ANKRD18A: variants seen among roughly 807,000 people sequenced by gnomAD.
The protein encoded by ANKRD18A is ankyrin repeat domain-containing protein 18A.
A neutral mutation model predicts 110.6 loss-of-function variants in ANKRD18A; 72 were observed. The observed-to-expected ratio is 0.65, with a 90% CI of 0.54 to 0.79. The LOEUF is 0.79. ANKRD18A is among the 30% of genes least tolerant of loss of function. The probability of loss-of-function intolerance (pLI) is 0.00; values close to 1 mark genes in which losing one functional copy is unlikely to be tolerated. For synonymous variants in ANKRD18A, 305 were observed against 410.3 expected, an observed-to-expected ratio of 0.74 and a Z score of 3.10; for missense variants, 934 against 1,163.3, an observed-to-expected ratio of 0.80 and a Z score of 2.87.
downstream of ANKRD18A, among the ~76,000 whole-genome samples, chr9:38,570,426 C>T (rs948048637): frequency 2.6e-5 from 4 of 152,122 alleles, no homozygotes; most frequent in Admixed American, 6.5e-5. Context: ...TACACCCCAC[C>T]GACCAGTTTT....
Position 38,610,274 on chromosome 9 carries a change from T to A in ANKRD18A, c.739A>T (p.Ser247Cys), listed in dbSNP as rs1825551207. 1.3e-6 allele frequency: 2 copies of A among 1,535,558 alleles called. No homozygotes were observed. Among genetic ancestry groups the A allele is most frequent in the African/African-American group, 2.8e-5 (2 of 72,146 alleles). The change falls in exon 5 of 16, where the codon AGC becomes TGC. Residue 247 changes from serine to cysteine, a missense_variant and splice_region_variant. Coordinates refer to ENST00000399703, the MANE Select transcript of ANKRD18A (RefSeq NM_147195.4). Reference protein sequence around the residue: ...EDYALCSDLRSIRQQILEHKN... With the variant: ...EDYALCSDLRCIRQQILEHKN... ...CGGTCTTTTAATATAAGCACATACCTTCTCAAATCAGAACAAAGAGCATAA... is the reference window on the plus strand; with the variant it reads ...CGGTCTTTTAATATAAGCACATACCATCTCAAATCAGAACAAAGAGCATAA...
chr9:38,577,108 C>T lies in ANKRD18A; in HGVS notation c.2686G>A (p.Glu896Lys), dbSNP rs1321855474. 6.5e-7 allele frequency: 1 copy of T among 1,549,034 alleles called. No homozygotes were observed. Among genetic ancestry groups the T allele is most frequent in the African/African-American group, 1.4e-5 (1 of 72,938 alleles). Residue 896 changes from glutamate (E) to lysine (K), a missense_variant, in exon 14 of 16, where the codon GAA becomes AAA. By Grantham distance (56) the Glu-to-Lys change is moderately conservative. Around this residue, in one of 4 missense-constraint regions of ANKRD18A, gnomAD observed 223 missense variants for 226.7 expected, o/e 0.98. Transcript: ENST00000399703. ...GCTTTCACTGCTCCTGCAAAGGCTTCCTTAAATTCTTCTAATTCAGTTGTA... is the reference window on the plus strand; with the variant it reads ...GCTTTCACTGCTCCTGCAAAGGCTTTCTTAAATTCTTCTAATTCAGTTGTA... ...EVTTELEEFK[E>K]AFAGAVKANN...
chr9:38,595,707 T>C lies in ANKRD18A; in HGVS notation c.1633A>G (p.Arg545Gly). 1.3e-6 allele frequency: 2 copies of C among 1,551,428 alleles called. No individual in the cohort carries two copies. Among genetic ancestry groups the C allele is most frequent in the Non-Finnish European group, 1.7e-6 (2 of 1,146,700 alleles). The change falls in exon 9 of 16, where the codon AGA becomes GGA. Residue 545 changes from arginine (R) to glycine (G), a missense_variant. By Grantham distance (125) the Arg-to-Gly change is moderately radical. Coordinates refer to ENST00000399703, the MANE Select transcript of ANKRD18A (RefSeq NM_147195.4). ...SIGKQNSLEE[R>G]IRQQELENLL... is the part of the protein sequence containing the mutation. ...TTTTCAAGTTCTTGTTGACGTATTC[T>C]CTCCTCTAAAGAGTTCTGCTTTCCA...
At chr9:38,589,583 T>C (rs920475907) in intron 10 of ANKRD18A, among the ~76,000 whole-genome samples, 2 of 152,214 alleles carry the variant, frequency 1.3e-5, no homozygotes, top group African/African-American at 4.8e-5. Flanking sequence ...CTGGGCCCAG[T>C]TTGTCAGATG....
At position 38,578,130 on chromosome 9, in the gene ANKRD18A, C is replaced by T. The variant is rs1384269574; in HGVS notation, c.2266G>A (p.Glu756Lys). 1.2e-5 allele frequency: 19 copies of T among 1,545,830 alleles called. No homozygotes were observed. Among genetic ancestry groups the T allele is most frequent in the Admixed American group, 2.0e-5 (1 of 49,486 alleles). ...LKQKFNDLVA[E>K]KEAVSSECVN... ...CATTCTGAAGACACAGCTTCCTTCTCGGCCACAAGATCATTAAACTGCATT... is the reference window on the plus strand; with the variant it reads ...CATTCTGAAGACACAGCTTCCTTCTTGGCCACAAGATCATTAAACTGCATT... The change falls in exon 13 of 16, where the codon GAG becomes AAG. Residue 756 changes from glutamate (E) to lysine (K), a missense_variant. By Grantham distance (56) the Glu-to-Lys change is moderately conservative (BLOSUM62 1). Transcript: ENST00000399703.
downstream of ANKRD18A, chr9:38,566,584 C>T (rs1823489567): frequency 6.6e-6 from 1 of 152,210 alleles, no homozygotes; most frequent in African/African-American, 2.4e-5. Flanking sequence ...AAAGCTGCTT[C>T]CACATTTTCA....
chr9:38,600,897 G>A (rs925232349), intron 8 of ANKRD18A, among the ~76,000 whole-genome samples: 2 of 152,118 alleles, frequency 1.3e-5, no homozygotes, highest in Non-Finnish European at 2.9e-5. Context: ...AGAGAGTTCT[G>A]GAAATTTCTG....
chr9:38,566,974 AT>A (rs923287498), downstream of ANKRD18A: 3 of 152,210 alleles, frequency 2.0e-5, no homozygotes, highest in Non-Finnish European at 4.4e-5. Flanking sequence ...TCAACATGAG[AT>A]TTGGTGAGGA....
rs1441805821 is a variant in ANKRD18A at position 38,620,292 on chromosome 9, G to T, written c.-7C>A. 1.9e-6 allele frequency: 3 copies of T among 1,549,854 alleles called. No homozygotes were observed. The highest frequency in any genetic ancestry group is 3.9e-5 in the Admixed American group (2 of 50,890). ...AGCTGAAGAGCTTCCTCATGGTGGC[G>T]ACTTCTCAGACGCCCACCACCCGCT... is the stretch of plus-strand genomic sequence containing the variant. On this transcript the variant is annotated 5_prime_UTR_variant, in exon 1 of 16. Coordinates refer to ENST00000399703, the MANE Select transcript of ANKRD18A (RefSeq NM_147195.4).
chr9:38,590,419 T>G (rs549634182), intron 10 of ANKRD18A, among the ~76,000 whole-genome samples: 29 of 152,020 alleles, frequency 1.9e-4, no homozygotes, highest in Non-Finnish European at 5.9e-5. Flanking sequence ...CACCAGCTAA[T>G]TTTTGTATTT....
intron 12 of ANKRD18A, among the ~76,000 whole-genome samples, chr9:38,582,818 A>G (rs1236668243): frequency 1.3e-5 from 2 of 152,242 alleles, no homozygotes; most frequent in Non-Finnish European, 2.9e-5. Flanking sequence ...AATGGATTCA[A>G]TGGACTTCAA....
intron 10 of ANKRD18A, among the ~76,000 whole-genome samples, chr9:38,592,775 T>C (rs1824711099): frequency 6.6e-6 from 1 of 152,252 alleles, no homozygotes; most frequent in Non-Finnish European, 1.5e-5. Context: ...TGATATGTGC[T>C]ACAACATGGA....
chr9:38,571,427 C>T lies in ANKRD18A; in HGVS notation c.*618G>A, dbSNP rs1424469056. 5 of 593,178 alleles carry T rather than the reference C, an allele frequency of 8.4e-6. No homozygotes were observed. The highest frequency in any genetic ancestry group is 1.2e-5 in the Non-Finnish European group (5 of 414,814). The allele number at this position is 593,178 out of a possible 1,614,324, so 36.7% of individuals were successfully genotyped here. ...CAAAGAAGAAAATAAGAAAAACAAT[C>T]ATCTGGCAACCATCACAGTAATACT... On this transcript the variant is annotated 3_prime_UTR_variant, in exon 16 of 16. Coordinates refer to ENST00000399703, the MANE Select transcript of ANKRD18A (RefSeq NM_147195.4).
intron 10 of ANKRD18A, among the ~76,000 whole-genome samples, chr9:38,589,621 G>A (rs1252744225): frequency 6.6e-6 from 1 of 152,192 alleles, no homozygotes; most frequent in South Asian, 2.1e-4. Flanking sequence ...GAGTACACTC[G>A]ATAAAGATAT....
At chr9:38,589,365 G>T (rs1189424773) in intron 10 of ANKRD18A, among the ~76,000 whole-genome samples, 1 of 152,196 alleles carries the variant, frequency 6.6e-6, no homozygotes. Context: ...ATAAACCAGT[G>T]CAAGTCTCTT....
At chr9:38,581,289 G>A (rs188709827) in intron 12 of ANKRD18A, among the ~76,000 whole-genome samples, 15 of 152,328 alleles carry the variant, frequency 9.8e-5, no homozygotes, top group African/African-American at 3.1e-4. Flanking sequence ...ATAACCAGGA[G>A]AGAGATGTAA....
intron 12 of ANKRD18A, among the ~76,000 whole-genome samples, chr9:38,585,876 G>C (rs1267447265): frequency 6.6e-6 from 1 of 152,090 alleles, no homozygotes; most frequent in East Asian, 1.9e-4. Flanking sequence ...GATGAACTCG[G>C]AGCTGTTATC....
chr9:38,577,458 T>G (rs1288347342), intron 13 of ANKRD18A, among the ~76,000 whole-genome samples, 194 bp from the exon 14 acceptor site: 1 of 152,178 alleles, frequency 6.6e-6, no homozygotes, highest in East Asian at 1.9e-4. Context: ...TTAAAAAAAT[T>G]TGAAATCATA....
downstream of ANKRD18A, among the ~76,000 whole-genome samples, chr9:38,570,823 C>T (rs1017935947): frequency 6.6e-6 from 1 of 152,228 alleles, no homozygotes; most frequent in South Asian, 2.1e-4. Context: ...CCCAGCTTCA[C>T]ACTCACCCCG....
Sources: allele counts gnomAD v4.1 joint callset (sites outside exome capture counted in the v4.1 genomes callset), GRCh38; gene constraint gnomAD v4.1.1; regional missense constraint gnomAD v4.1.1; transcripts MANE v1.5; gene names NCBI Gene and HGNC (gene_info 2026-07-23, HGNC 2026-07-21).